The following HS6ST3 variants were observed in gnomAD, a reference collection of about 807,000 sequenced individuals.
The protein encoded by HS6ST3 is heparan sulfate 6-O-sulfotransferase 3.
Under a neutral mutation model 36.7 loss-of-function variants are expected in HS6ST3, and 12 were observed. That is an observed-to-expected ratio of 0.33 (90% CI 0.21 to 0.53). The LOEUF (loss-of-function observed/expected upper bound fraction) is 0.53. Among genes scored for constraint, HS6ST3 ranks in the 20% least tolerant of loss-of-function variants. The pLI, the probability that HS6ST3 is intolerant of heterozygous loss-of-function variation, is 0.95. For synonymous variants in HS6ST3, 240 were observed against 257.5 expected (o/e 0.93, Z 0.65); for missense variants, 584 against 640.9 (o/e 0.91, Z 0.96).
chr13:96,364,438 A>G (rs1385914305), intron 1 of HS6ST3, among the ~76,000 whole-genome samples: 3 of 152,226 alleles, frequency 2.0e-5, no homozygotes, highest in Non-Finnish European at 2.9e-5. Flanking sequence ...ATAAAGGAAT[A>G]AACTCTGATG....
intron 1 of HS6ST3, among the ~76,000 whole-genome samples, chr13:96,241,959 G>A (rs561277176): frequency 6.6e-6 from 1 of 151,496 alleles, no homozygotes; most frequent in East Asian, 2.0e-4. Flanking sequence ...CTAATTTTTT[G>A]TATTTTTAGC....
Position 96,833,514 on chromosome 13 carries a change from T to G in HS6ST3, c.*316T>G. The G allele has an allele frequency of 3.9e-6, 1 of 254,106 alleles. No individual in the cohort carries two copies. Among genetic ancestry groups the G allele is most frequent in the Non-Finnish European group, 7.5e-6 (1 of 132,458 alleles). The allele number at this position is 254,106 out of a possible 1,614,324, so 15.7% of individuals were successfully genotyped here. Reference sequence around the variant, plus strand: ...TGATCTCCTTTGCAGGAGCATAGAATAGTTTGGGTACCAGGAACCCACAGA... The same window carrying G: ...TGATCTCCTTTGCAGGAGCATAGAAGAGTTTGGGTACCAGGAACCCACAGA... On this transcript the variant is annotated 3_prime_UTR_variant, in exon 2 of 2. Coordinates refer to ENST00000376705, the MANE Select transcript of HS6ST3 (RefSeq NM_153456.4).
intron 1 of HS6ST3, among the ~76,000 whole-genome samples, chr13:96,123,962 C>T (rs927029087): frequency 6.6e-6 from 1 of 152,110 alleles, no homozygotes; most frequent in African/African-American, 2.4e-5. Flanking sequence ...AAAGGACCAC[C>T]TGGTTGTTAC....
At chr13:96,385,764 T>C (rs569651965) in intron 1 of HS6ST3, among the ~76,000 whole-genome samples, 3 of 152,336 alleles carry the variant, frequency 2.0e-5, no homozygotes, top group Admixed American at 6.5e-5. Context: ...ATAAGAATTC[T>C]TTTTTGAGTG....
chr13:96,318,773 T>C (rs962704734), intron 1 of HS6ST3, among the ~76,000 whole-genome samples: 1 of 152,174 alleles, frequency 6.6e-6, no homozygotes, highest in African/African-American at 2.4e-5. Flanking sequence ...ACCAGTACCA[T>C]GCTGTTTTGT....
intron 1 of HS6ST3, among the ~76,000 whole-genome samples, chr13:96,749,669 G>A (rs1235340661): frequency 6.6e-6 from 1 of 151,810 alleles, no homozygotes; most frequent in African/African-American, 2.4e-5. Context: ...AAATTATGTG[G>A]GTTGGTAGTC....
At chr13:96,668,242 C>A (rs1297499586) in intron 1 of HS6ST3, among the ~76,000 whole-genome samples, 1 of 152,060 alleles carries the variant, frequency 6.6e-6, no homozygotes, top group Non-Finnish European at 1.5e-5. Context: ...CCCTGGCAAT[C>A]TGGTCTGGTG....
chr13:96,366,705 G>A (rs1160002552), intron 1 of HS6ST3, among the ~76,000 whole-genome samples: 2 of 152,088 alleles, frequency 1.3e-5, no homozygotes, highest in Admixed American at 6.5e-5. Flanking sequence ...GGTGGGGGTA[G>A]CCCAAGAACC....
At chr13:96,343,368 C>T (rs921286742) in intron 1 of HS6ST3, among the ~76,000 whole-genome samples, 3 of 152,232 alleles carry the variant, frequency 2.0e-5, no homozygotes, top group East Asian at 1.9e-4. Context: ...CTTCTAGAGC[C>T]TGCCCACGTT....
intron 1 of HS6ST3, among the ~76,000 whole-genome samples, chr13:96,114,440 G>A (rs566707201): frequency 5.3e-5 from 8 of 152,104 alleles, no homozygotes; most frequent in East Asian, 1.9e-4. Context: ...ATGACCCACC[G>A]TTCCTGGCCC....
chr13:96,218,574 A>C (rs1361807728), intron 1 of HS6ST3, among the ~76,000 whole-genome samples: 1 of 152,132 alleles, frequency 6.6e-6, no homozygotes, highest in Non-Finnish European at 1.5e-5. Flanking sequence ...GGAGAAGACA[A>C]ACATTAGGGC....
At chr13:96,330,051 C>G (rs1434242916) in intron 1 of HS6ST3, among the ~76,000 whole-genome samples, 1 of 148,984 alleles carries the variant, frequency 6.7e-6, no homozygotes, top group East Asian at 2.0e-4. Flanking sequence ...CTTCCACCAT[C>G]CTTTTATTTT....
intron 1 of HS6ST3, among the ~76,000 whole-genome samples, chr13:96,385,136 G>T (rs1158298179): frequency 7.0e-6 from 1 of 142,736 alleles, no homozygotes; most frequent in African/African-American, 2.6e-5. Flanking sequence ...CCGAGATCAC[G>T]CCATTGCACT....
At chr13:96,675,033 T>G (rs550566945) in intron 1 of HS6ST3, among the ~76,000 whole-genome samples, 3 of 152,308 alleles carry the variant, frequency 2.0e-5, no homozygotes, top group Non-Finnish European at 2.9e-5. Context: ...TTCCAGCTTT[T>G]GCTGTGCTGT....
chr13:96,517,883 A>G (rs1400887226), intron 1 of HS6ST3, among the ~76,000 whole-genome samples: 3 of 152,212 alleles, frequency 2.0e-5, no homozygotes, highest in African/African-American at 7.2e-5. Flanking sequence ...AATATAAATC[A>G]TTCTACCATA....
chr13:96,741,404 G>A (rs1006189939), intron 1 of HS6ST3, among the ~76,000 whole-genome samples: 1 of 152,118 alleles, frequency 6.6e-6, no homozygotes, highest in African/African-American at 2.4e-5. Flanking sequence ...ATTTTGATTA[G>A]CTTTTCTATT....
Position 96,798,671 on chromosome 13 carries a change from T to C in HS6ST3, c.708-33819T>C, listed in dbSNP as rs961092092. On this transcript the variant is annotated intron_variant, in intron 1 of 1. Coordinates refer to ENST00000376705, the MANE Select transcript of HS6ST3 (RefSeq NM_153456.4). ...CTCATCTATAAAATAAGGATAATAA[T>C]GCTTACCTTATAGAGTTAGGGTAAG... Among the ~76,000 whole-genome samples, 7 of 152,096 alleles carry C rather than the reference T, an allele frequency of 4.6e-5. No individual in the cohort carries two copies. The East Asian group carries it at 7.7e-4, about 17-fold the overall frequency.
chr13:96,460,633 T>C (rs2055779452), intron 1 of HS6ST3, among the ~76,000 whole-genome samples: 1 of 152,204 alleles, frequency 6.6e-6, no homozygotes, highest in Non-Finnish European at 1.5e-5. Flanking sequence ...TTCAGAGAAA[T>C]ACATGTGCAT....
chr13:96,522,430 G>A (rs998440852), intron 1 of HS6ST3, among the ~76,000 whole-genome samples: 15 of 152,188 alleles, frequency 9.9e-5, no homozygotes, highest in African/African-American at 3.6e-4. Context: ...TCATTGATCT[G>A]TCTAATATTG....
Sources: gnomAD v4.1 joint callset for allele counts (sites outside exome capture counted in the v4.1 genomes callset) on GRCh38, gnomAD v4.1.1 for gene constraint, MANE v1.5 for transcripts, NCBI Gene and HGNC (gene_info 2026-07-23, HGNC 2026-07-21) for gene names.